The following USP49 variants were observed in gnomAD, a reference collection of about 807,000 sequenced individuals.
USP49 encodes the protein ubiquitin carboxyl-terminal hydrolase 49.
Under a neutral mutation model 58.6 loss-of-function variants are expected in USP49, and 24 were observed. The observed-to-expected ratio is 0.41, with a 90% CI of 0.30 to 0.58. The LOEUF is 0.58. USP49 is among the 20% of genes least tolerant of loss of function. The probability of loss-of-function intolerance (pLI) is 0.30; values close to 1 mark genes in which losing one functional copy is unlikely to be tolerated. For synonymous variants in USP49, 408 were observed against 365.1 expected (o/e 1.12, Z -1.34); for missense variants, 703 against 866.1 (o/e 0.81, Z 2.36).
Position 41,790,395 on chromosome 6 carries a change from G to A in USP49, c.*6138C>T, listed in dbSNP as rs766287660. 4.6e-5 allele frequency: 7 copies of A among 152,158 alleles called. No homozygotes were observed. The highest frequency in any genetic ancestry group is 7.2e-5 in the African/African-American group (3 of 41,432). 9.4% of individuals were successfully genotyped at this position (152,158 alleles called of 1,614,324 possible). ...TGGTAGTGCTACTGTCCAGGGTTTG[G>A]GGGCTCTTTGGAAATGGAGTATGTA... is the stretch of plus-strand genomic sequence containing the variant. On this transcript the variant is annotated 3_prime_UTR_variant, in exon 8 of 8. Transcript: ENST00000682992.
Position 41,802,471 on chromosome 6 carries a change from T to TA in USP49, c.1561+1334_1561+1335insT, listed in dbSNP as rs747072784. ...TTATTTATTTATTTATTTATTTATTTTTTATTTATTTTTTTTTTTTGAGAC... is the reference window on the plus strand; with the variant it reads ...TTATTTATTTATTTATTTATTTATTTATTTATTTATTTTTTTTTTTTGAGAC... On this transcript the variant is annotated intron_variant, in intron 5 of 7. Coordinates refer to ENST00000682992, the MANE Select transcript of USP49 (RefSeq NM_001286554.2). Among the ~76,000 whole-genome samples, 244 of 70,972 alleles carry TA rather than the reference T, an allele frequency of 3.4e-3. 1 individual carries two copies. Among genetic ancestry groups the TA allele is most frequent in the African/African-American group, 9.4e-3 (140 of 14,892 alleles). The allele number at this position is 70,972 out of a possible 152,430, so 46.6% of individuals were successfully genotyped here. A position where few individuals can be genotyped will look rare whatever the true frequency, so the allele number is the denominator to read the frequency against.
At chr6:41,864,367 G>A (rs1490910775) in intron 3 of USP49, among the ~76,000 whole-genome samples, 2 of 151,906 alleles carry the variant, frequency 1.3e-5, no homozygotes, top group African/African-American at 2.4e-5. Context: ...GTTCGAGACC[G>A]GCCTGGTCAA....
chr6:41,868,346 T>TGAGACGGAGTCTCGCTCTGTTGCCAGG (rs1365399637), intron 3 of USP49, among the ~76,000 whole-genome samples: 1 of 152,260 alleles, frequency 6.6e-6, no homozygotes, highest in African/African-American at 2.4e-5. Context: ...AATTTATTTT[T>TGAGACGGAGTCTCGCTCTGTTGCCAGG]GAGACGGAGT....
At chr6:41,847,022 A>G (rs2249703) in intron 3 of USP49, among the ~76,000 whole-genome samples, 77,359 of 152,050 alleles carry the variant, frequency 0.51, 19,877 homozygotes, top group African/African-American at 0.56. Flanking sequence ...GGAAACAACA[A>G]CCAGGATAAT....
At chr6:41,873,945 A>T (rs1459571809) in intron 2 of USP49, 3 of 152,252 alleles carry the variant, frequency 2.0e-5, no homozygotes, top group African/African-American at 7.2e-5. Context: ...ATATACTTTT[A>T]AATGGGTGGG....
chr6:41,835,689 G>C (rs1261896055), intron 3 of USP49, among the ~76,000 whole-genome samples: 1 of 150,408 alleles, frequency 6.6e-6, no homozygotes, highest in Non-Finnish European at 1.5e-5. Context: ...ACTCCAGCCT[G>C]GTGACAGAGT....
At chr6:41,855,105 T>C (rs1385260211) in intron 3 of USP49, among the ~76,000 whole-genome samples, 1 of 152,130 alleles carries the variant, frequency 6.6e-6, no homozygotes, top group African/African-American at 2.4e-5. Flanking sequence ...ATTCTATTAT[T>C]TAAATGTCAC....
At chr6:41,817,062 A>G (rs982310131) in intron 3 of USP49, among the ~76,000 whole-genome samples, 1 of 141,194 alleles carries the variant, frequency 7.1e-6, no homozygotes, top group African/African-American at 2.7e-5. Flanking sequence ...CTGGACTCAA[A>G]CTCCTGGGCT....
intron 2 of USP49, among the ~76,000 whole-genome samples, chr6:41,881,883 A>C (rs780114551): frequency 1.3e-5 from 2 of 152,206 alleles, no homozygotes; most frequent in African/African-American, 4.8e-5. Context: ...TCATTCTTTC[A>C]TACTCATGGA....
intron 3 of USP49, among the ~76,000 whole-genome samples, chr6:41,826,378 C>T (rs1773537581): frequency 6.6e-6 from 1 of 152,188 alleles, no homozygotes; most frequent in African/African-American, 2.4e-5. Context: ...ACATATTACG[C>T]ATTCCAAGAG....
chr6:41,807,319 C>A (rs1008759490), intron 3 of USP49, among the ~76,000 whole-genome samples: 1 of 152,016 alleles, frequency 6.6e-6, no homozygotes, highest in South Asian at 2.1e-4. Context: ...AATAAAAAGT[C>A]AATTTTAGGT....
chr6:41,799,079 CTTAT>C (rs3050156), intron 6 of USP49, 150 bp from the exon 7 acceptor site: 135,810 of 360,064 alleles, frequency 0.38, 31,394 homozygotes, highest in South Asian at 0.5. Flanking sequence ...AATGTTCACA[CTTAT>C]TTATTTATTT....
intron 3 of USP49, among the ~76,000 whole-genome samples, chr6:41,826,159 G>C (rs1186810806): frequency 6.6e-6 from 1 of 152,306 alleles, no homozygotes; most frequent in Middle Eastern, 3.4e-3. Context: ...CAGCTACTCA[G>C]GAGGCTGAGG....
Position 41,802,481 on chromosome 6 carries a change from T to TTTA in USP49, c.1561+1324_1561+1325insTAA, listed in dbSNP as rs1297001973. The stretch of plus-strand genomic sequence containing the variant: ...ATTTATTTATTTATTTTTTATTTAT[T>TTTA]TTTTTTTTTTGAGACAGCATCTCGC... On this transcript the variant is annotated intron_variant, in intron 5 of 7. Coordinates refer to ENST00000682992, the MANE Select transcript of USP49 (RefSeq NM_001286554.2). 4.7e-3 allele frequency among the ~76,000 whole-genome samples: 341 copies of TTTA among 72,218 alleles called. 22 individuals are homozygous for TTTA. The highest frequency in any genetic ancestry group is 0.019 in the African/African-American group (301 of 16,224). The allele number at this position is 72,218 out of a possible 152,430, so 47.4% of individuals were successfully genotyped here.
At chr6:41,828,321 T>C (rs1773577528) in intron 3 of USP49, among the ~76,000 whole-genome samples, 2 of 151,628 alleles carry the variant, frequency 1.3e-5, no homozygotes, top group Non-Finnish European at 2.9e-5. Context: ...TGGTGGTATG[T>C]GCCTGTAGTC....
intron 3 of USP49, among the ~76,000 whole-genome samples, chr6:41,822,636 A>T (rs1265014646): frequency 6.6e-6 from 1 of 152,150 alleles, no homozygotes; most frequent in Non-Finnish European, 1.5e-5. Context: ...TCACGAGGTC[A>T]AGAAATCAAG....
intron 2 of USP49, among the ~76,000 whole-genome samples, chr6:41,873,555 G>T (rs1774452527): frequency 6.6e-6 from 1 of 152,198 alleles, no homozygotes; most frequent in African/African-American, 2.4e-5. Flanking sequence ...TTTATGGACA[G>T]GGGTTTCACA....
At chr6:41,854,296 G>A (rs1457925936) in intron 3 of USP49, among the ~76,000 whole-genome samples, 3 of 129,828 alleles carry the variant, frequency 2.3e-5, no homozygotes, top group East Asian at 2.3e-4. Context: ...CGGGCTGTGC[G>A]ACAGAGCGAG....
chr6:41,871,475 C>G (rs1774411358), intron 3 of USP49, 89 bp downstream of exon 3: 1 of 152,166 alleles, frequency 6.6e-6, no homozygotes, highest in Non-Finnish European at 1.5e-5. Flanking sequence ...ATCAATTACC[C>G]TCATAGTATG....
Sources: allele counts gnomAD v4.1 joint callset (sites outside exome capture counted in the v4.1 genomes callset), GRCh38; gene constraint gnomAD v4.1.1; transcripts MANE v1.5; gene names NCBI Gene and HGNC (gene_info 2026-07-23, HGNC 2026-07-21).